The following SEMA3A variants were observed in gnomAD, a reference collection of about 807,000 sequenced individuals.
The protein encoded by SEMA3A is semaphorin 3A, also known as semaphorin-3A.
SEMA3A carries 29 observed loss-of-function variants against 97.9 expected under a neutral mutation model. The observed-to-expected ratio is 0.30, with a 90% CI of 0.22 to 0.40. The LOEUF (loss-of-function observed/expected upper bound fraction) is 0.40. Ranked by LOEUF, SEMA3A falls within the 10% of genes least tolerant of loss-of-function variation. The probability of loss-of-function intolerance (pLI) is 1.00; values close to 1 mark genes in which losing one functional copy is unlikely to be tolerated. For synonymous variants in SEMA3A, 321 were observed against 323.7 expected, an observed-to-expected ratio of 0.99 and a Z score of 0.09; for missense variants, 763 against 951.3, an observed-to-expected ratio of 0.80 and a Z score of 2.60.
intron 1 of SEMA3A, among the ~76,000 whole-genome samples, chr7:84,177,861 T>C (rs1313200651): frequency 5.3e-5 from 8 of 152,126 alleles, no homozygotes; most frequent in Admixed American, 5.2e-4. Flanking sequence ...GGATATAACA[T>C]TGTATTAAAC....
At chr7:84,001,379 A>T (rs1037657567) in intron 12 of SEMA3A, among the ~76,000 whole-genome samples, 5 of 143,024 alleles carry the variant, frequency 3.5e-5, no homozygotes, top group African/African-American at 1.3e-4. Context: ...GCCATCTGTG[A>T]TTCAGGATAA....
At chr7:84,383,428 T>A (rs1421617628) in intron 1 of SEMA3A, among the ~76,000 whole-genome samples, 2 of 152,118 alleles carry the variant, frequency 1.3e-5, no homozygotes, top group Non-Finnish European at 2.9e-5. Context: ...TGAAAAAAAA[T>A]TCTAGTTTAC....
At chr7:84,142,198 T>C (rs964540001) in intron 1 of SEMA3A, among the ~76,000 whole-genome samples, 3 of 152,230 alleles carry the variant, frequency 2.0e-5, no homozygotes, top group Admixed American at 2.0e-4. Context: ...CACTTAACGG[T>C]CATTCACCTA....
At chr7:84,094,522 G>A (rs552868374) in intron 4 of SEMA3A, among the ~76,000 whole-genome samples, 2 of 152,054 alleles carry the variant, frequency 1.3e-5, no homozygotes, top group Admixed American at 1.3e-4. Context: ...TGCATATAAC[G>A]ATGGGTGTTC....
intron 3 of SEMA3A, among the ~76,000 whole-genome samples, chr7:84,215,017 G>A (rs1007214450): frequency 6.0e-5 from 9 of 150,766 alleles, no homozygotes; most frequent in Non-Finnish European, 1.2e-4. Context: ...GATTCCAGGC[G>A]CATGACACCA....
intron 1 of SEMA3A, among the ~76,000 whole-genome samples, chr7:84,417,151 A>G (rs1804458374): frequency 6.6e-6 from 1 of 152,132 alleles, no homozygotes; most frequent in African/African-American, 2.4e-5. Context: ...CCATGAACAA[A>G]GGGTACATTA....
intron 3 of SEMA3A, among the ~76,000 whole-genome samples, chr7:84,274,618 T>C (rs1476815534): frequency 2.6e-5 from 4 of 152,118 alleles, no homozygotes; most frequent in African/African-American, 7.2e-5. Flanking sequence ...AGAATGCATG[T>C]TCATTCATTC....
rs1439451884 is a variant in SEMA3A at position 84,066,113 on chromosome 7, A to T, written c.454-5555T>A. ...CATCCCTGGGATGCAAGGCTGGTTT[A>T]ATATACGCGAATCAATAAATGTAAT... On this transcript the variant is annotated intron_variant, in intron 4 of 16. Transcript: ENST00000265362. Among the ~76,000 whole-genome samples the T allele has an allele frequency of 3.3e-5, 5 of 151,658 alleles. 1 individual carries two copies. The highest frequency in any genetic ancestry group is 9.8e-5 in the African/African-American group (4 of 40,994).
Position 84,390,475 on chromosome 7 carries a change from C to T in SEMA3A, c.-245-18575G>A, listed in dbSNP as rs371973993. Among the ~76,000 whole-genome samples, 10 of 151,736 alleles carry T rather than the reference C, an allele frequency of 6.6e-5. 2 individuals are homozygous for T. The highest frequency in any genetic ancestry group is 6.6e-5 in the Admixed American group (1 of 15,184). ...TGGTCATAAATATAATTTGTGAGAACATTATCTAGATTTTCTTTTGTTTTC... is the reference window on the plus strand; with the variant it reads ...TGGTCATAAATATAATTTGTGAGAATATTATCTAGATTTTCTTTTGTTTTC... On this transcript the variant is annotated intron_variant, in intron 1 of 3. Coordinates refer to the SEMA3A transcript ENST00000424555.
chr7:84,227,056 A>C (rs1799003920), intron 3 of SEMA3A, among the ~76,000 whole-genome samples: 1 of 152,046 alleles, frequency 6.6e-6, no homozygotes, highest in Admixed American at 6.6e-5. Flanking sequence ...GAGTGGTTTA[A>C]AATGAACTGC....
intron 2 of SEMA3A, among the ~76,000 whole-genome samples, chr7:84,334,968 A>G (rs1375272274): frequency 1.3e-5 from 2 of 152,028 alleles, no homozygotes; most frequent in African/African-American, 4.8e-5. Flanking sequence ...TTTTATCTTG[A>G]CATTTTTTGT....
intron 12 of SEMA3A, among the ~76,000 whole-genome samples, chr7:83,991,410 G>C (rs1353671837): frequency 2.0e-5 from 3 of 151,312 alleles, no homozygotes; most frequent in African/African-American, 7.3e-5. Context: ...TTTTCAAAGG[G>C]AATGCTTCCA....
At chr7:84,226,807 T>C (rs1177441624) in intron 3 of SEMA3A, among the ~76,000 whole-genome samples, 1 of 152,114 alleles carries the variant, frequency 6.6e-6, no homozygotes, top group African/African-American at 2.4e-5. Flanking sequence ...CAAAAACATC[T>C]AGTAGAAATG....
At chr7:84,433,260 T>C (rs943020770) in intron 1 of SEMA3A, among the ~76,000 whole-genome samples, 8 of 147,380 alleles carry the variant, frequency 5.4e-5, no homozygotes, top group Admixed American at 4.1e-4. Flanking sequence ...CAGTGTGTGA[T>C]GTTCCCCTCC....
chr7:84,217,132 T>C (rs1325792287), intron 3 of SEMA3A, among the ~76,000 whole-genome samples: 1 of 152,220 alleles, frequency 6.6e-6, no homozygotes, highest in African/African-American at 2.4e-5. Context: ...TTTCAGTGTG[T>C]ATTTTATATC....
chr7:84,217,865 C>G (rs1335439596), intron 3 of SEMA3A, among the ~76,000 whole-genome samples: 1 of 151,902 alleles, frequency 6.6e-6, no homozygotes, highest in Non-Finnish European at 1.5e-5. Context: ...TCACTTGAGG[C>G]CAGCAGTTTA....
chr7:84,487,979 C>T (rs915473462), intron 1 of SEMA3A, among the ~76,000 whole-genome samples: 24 of 151,836 alleles, frequency 1.6e-4, no homozygotes, highest in African/African-American at 5.6e-4. Flanking sequence ...ATTTGTCTTG[C>T]GTAAGTCTGC....
intron 1 of SEMA3A, among the ~76,000 whole-genome samples, chr7:84,193,745 T>G (rs1798122073): frequency 6.6e-6 from 1 of 152,130 alleles, no homozygotes; most frequent in Admixed American, 6.6e-5. Context: ...GATAAAGCTC[T>G]TTTTTCTCTC....
At chr7:84,282,994 A>G (rs1336863768) in intron 3 of SEMA3A, among the ~76,000 whole-genome samples, 2 of 152,088 alleles carry the variant, frequency 1.3e-5, no homozygotes, top group African/African-American at 2.4e-5. Flanking sequence ...AGCCTGGGCA[A>G]TAGAGTAAGA....
Sources: gnomAD v4.1 joint callset for allele counts (sites outside exome capture counted in the v4.1 genomes callset) on GRCh38, gnomAD v4.1.1 for gene constraint, MANE v1.5 for transcripts, NCBI Gene and HGNC (gene_info 2026-07-23, HGNC 2026-07-21) for gene names.